The following SYTL2 variants were observed in gnomAD, a reference collection of about 807,000 sequenced individuals.
SYTL2 encodes synaptotagmin-like protein 2.
In SYTL2, 165 loss-of-function variants were observed where a neutral mutation model predicts 198.7. That is an observed-to-expected ratio of 0.83 (90% CI 0.73 to 0.94). SYTL2 has a LOEUF of 0.94. Among genes scored for constraint, SYTL2 ranks in the 40% least tolerant of loss-of-function variants. The pLI, the probability that SYTL2 is intolerant of heterozygous loss-of-function variation, is 0.00. For synonymous variants in SYTL2, 966 were observed against 917.7 expected, an observed-to-expected ratio of 1.05 and a Z score of -0.95; for missense variants, 2,835 against 2,582.8, an observed-to-expected ratio of 1.10 and a Z score of -2.12.
At chr11:85,749,883 T>C (rs138343475) in intron 2 of SYTL2, among the ~76,000 whole-genome samples, 3 of 152,288 alleles carry the variant, frequency 2.0e-5, no homozygotes, top group East Asian at 1.9e-4. Context: ...GGGTCTGTAC[T>C]CAATACATCT....
At chr11:85,751,914 T>G (rs1431291100) in intron 2 of SYTL2, among the ~76,000 whole-genome samples, 1 of 152,248 alleles carries the variant, frequency 6.6e-6, no homozygotes, top group East Asian at 1.9e-4. Flanking sequence ...TGCTTCAAAT[T>G]GGACATTAAA....
intron 2 of SYTL2, among the ~76,000 whole-genome samples, chr11:85,756,762 T>C (rs989171860): frequency 6.6e-6 from 1 of 152,198 alleles, no homozygotes; most frequent in East Asian, 1.9e-4. Flanking sequence ...TTATAAATCA[T>C]CCACGTTAAA....
At chr11:85,808,309 C>T (rs2092987603) in intron 1 of SYTL2, among the ~76,000 whole-genome samples, 1 of 152,164 alleles carries the variant, frequency 6.6e-6, no homozygotes, top group African/African-American at 2.4e-5. Context: ...TTGTGATCCA[C>T]CTGCCTCGGC....
chr11:85,783,343 A>G (rs960973508), intron 1 of SYTL2, among the ~76,000 whole-genome samples: 1 of 151,858 alleles, frequency 6.6e-6, no homozygotes, highest in African/African-American at 2.4e-5. Flanking sequence ...AGAGGTAACC[A>G]CCCCCATGAT....
At chr11:85,710,710 C>T (rs2086101213) in intron 13 of SYTL2, among the ~76,000 whole-genome samples, 1 of 152,104 alleles carries the variant, frequency 6.6e-6, no homozygotes, top group African/African-American at 2.4e-5. Flanking sequence ...TTCATGTCAA[C>T]CAGTATATTG....
chr11:85,804,995 G>C (rs982876436), intron 1 of SYTL2, among the ~76,000 whole-genome samples: 4 of 152,172 alleles, frequency 2.6e-5, no homozygotes, highest in Non-Finnish European at 5.9e-5. Flanking sequence ...ATCTGCTTTT[G>C]CTGGTTTTCA....
rs1162431708 is a variant in SYTL2 at position 85,752,917 on chromosome 11, T to TAAAA, written c.102-4498_102-4495dup. Among the ~76,000 whole-genome samples the TAAAA allele has an allele frequency of 7.3e-3, 130 of 17,734 alleles. 18 individuals are homozygous for TAAAA. The highest frequency in any genetic ancestry group is 0.013 in the East Asian group (5 of 378). 11.6% of individuals were successfully genotyped at this position (17,734 alleles called of 152,430 possible). ...GTCCTTCAATGACAACTGCCTTCAT[T>TAAAA]AAAAAAAAAAAAAAAAAAAAAAAAA... is the stretch of plus-strand genomic sequence containing the variant. On this transcript the variant is annotated intron_variant, in intron 2 of 19. Coordinates refer to ENST00000359152, the MANE Select transcript of SYTL2 (RefSeq NM_206927.4).
intron 9 of SYTL2, among the ~76,000 whole-genome samples, chr11:85,720,365 T>C (rs997139520): frequency 6.6e-6 from 1 of 152,194 alleles, no homozygotes; most frequent in Non-Finnish European, 1.5e-5. Flanking sequence ...GAGTCCCAGA[T>C]CTTCCGTGTA....
At chr11:85,798,184 T>C (rs1053646255) in intron 1 of SYTL2, among the ~76,000 whole-genome samples, 7 of 152,118 alleles carry the variant, frequency 4.6e-5, no homozygotes, top group Non-Finnish European at 1.0e-4. Context: ...CAAGTTCAGT[T>C]TTTTTGTCAG....
At chr11:85,842,598 C>T in the SYTL2 span, among the ~76,000 whole-genome samples, 1 of 152,220 alleles carries the variant, frequency 6.6e-6, no homozygotes, top group Admixed American at 6.5e-5. Flanking sequence ...TAATAAACTA[C>T]TTGCACTAAA....
In SYTL2 at chr11:85,727,733, G is replaced by T; in HGVS notation, c.1625C>A (p.Pro542His). ...SDDNKSFLQH[P>H]RGIESKEKTD... The stretch of plus-strand genomic sequence containing the variant: ...TTTTTCTTTGGACTCTATTCCTCGG[G>T]GATGTTGGAGGAATGACTTATTGTC... The change falls in exon 8 of 20, where the codon CCC becomes CAC. Residue 542 changes from proline to histidine, a missense_variant. Pro to His is a moderately conservative substitution (Grantham distance 77, BLOSUM62 -2). Around this residue, in one of 3 missense-constraint regions of SYTL2, gnomAD observed 2,645 missense variants for 2,381.7 expected, o/e 1.11. Coordinates refer to ENST00000359152, the MANE Select transcript of SYTL2 (RefSeq NM_206927.4). 3.2e-6 allele frequency: 5 copies of T among 1,552,108 alleles called. No homozygotes were observed. The highest frequency in any genetic ancestry group is 3.5e-6 in the Non-Finnish European group (4 of 1,147,808).
intron 1 of SYTL2, among the ~76,000 whole-genome samples, chr11:85,773,334 AGTTAGTTCTTTAAACTTACC>A (rs1470838037): frequency 6.6e-6 from 1 of 152,206 alleles, no homozygotes; most frequent in Non-Finnish European, 1.5e-5. Flanking sequence ...AGTACCTTGA[AGTTAGTTCTTTAAACTTACC>A]TTTCACACCT....
At chr11:85,829,289 A>G in the SYTL2 span, among the ~76,000 whole-genome samples, 1 of 152,078 alleles carries the variant, frequency 6.6e-6, no homozygotes, top group Non-Finnish European at 1.5e-5. Flanking sequence ...GTTTATGTGT[A>G]TTCAATATTT....
chr11:85,797,172 T>C (rs1272330208), intron 1 of SYTL2, among the ~76,000 whole-genome samples: 4 of 152,202 alleles, frequency 2.6e-5, no homozygotes, highest in Non-Finnish European at 5.9e-5. Flanking sequence ...CCGACCATAT[T>C]ACTCTGGGCA....
intron 18 of SYTL2, among the ~76,000 whole-genome samples, chr11:85,697,568 G>C (rs2083583365): frequency 6.6e-6 from 1 of 152,206 alleles, no homozygotes; most frequent in African/African-American, 2.4e-5. Context: ...AATATCTGCA[G>C]TCTCATACAA....
At chr11:85,801,074 C>T (rs2092879919) in intron 1 of SYTL2, among the ~76,000 whole-genome samples, 1 of 152,208 alleles carries the variant, frequency 6.6e-6, no homozygotes, top group South Asian at 2.1e-4. Flanking sequence ...GGGAGAAGGG[C>T]CACCTAGCTT....
chr11:85,723,968 C>A, intron 8 of SYTL2, 64 bp downstream of exon 8: 1 of 861,198 alleles, frequency 1.2e-6, no homozygotes, highest in Non-Finnish European at 1.7e-6. Flanking sequence ...TAAAAAAAAT[C>A]ATCCTTTACA....
chr11:85,709,644 A>G (rs1472963845), intron 13 of SYTL2, 144 bp from the exon 14 acceptor site: 3 of 731,862 alleles, frequency 4.1e-6, no homozygotes, highest in African/African-American at 3.5e-5. Flanking sequence ...AGACATATCT[A>G]TAAAGACAAC....
At chr11:85,758,143 G>C (rs2091967184) in intron 1 of SYTL2, 29 bp from the exon 2 acceptor site, 1 of 168,874 alleles carries the variant, frequency 5.9e-6, no homozygotes, top group Non-Finnish European at 1.3e-5. Flanking sequence ...GCAAACACCA[G>C]ACAGTGAGAG....
Sources: allele counts gnomAD v4.1 joint callset (sites outside exome capture counted in the v4.1 genomes callset), GRCh38; gene constraint gnomAD v4.1.1; regional missense constraint gnomAD v4.1.1; transcripts MANE v1.5; gene names NCBI Gene and HGNC (gene_info 2026-07-23, HGNC 2026-07-21).